NEFL: variants seen among roughly 807,000 people sequenced by gnomAD.
NEFL encodes neurofilament light chain.
A neutral mutation model predicts 51.6 loss-of-function variants in NEFL; 36 were observed. The ratio of observed to expected loss-of-function variants is 0.70; its 90% CI spans 0.53 to 0.92. NEFL has a LOEUF of 0.92. NEFL is among the 40% of genes least tolerant of loss of function. The probability of loss-of-function intolerance (pLI) is 0.00; values close to 1 mark genes in which losing one functional copy is unlikely to be tolerated. For synonymous variants in NEFL, 332 were observed against 302.5 expected (o/e 1.10, Z -1.01); for missense variants, 671 against 722.0 (o/e 0.93, Z 0.81).
chr8:24,952,903 T>C lies in NEFL; in HGVS notation c.1539A>G (p.Glu513=). 1 of 1,606,982 alleles carries C rather than the reference T, an allele frequency of 6.2e-7. No homozygotes were observed. The highest frequency in any genetic ancestry group is 8.5e-7 in the Non-Finnish European group (1 of 1,173,744). Residue 513 remains glutamate, a synonymous_variant, in exon 4 of 4, where the codon GAA becomes GAG. Transcript: ENST00000610854. ...CTTTGGTTTCCTCTCCTTCTTCACC[T>C]TCACCTCCTTCTTCTTCTTCTTTTG... The part of the protein sequence containing the change: ...EEAKEEEEGG[E]GEEGEETKEA...
chr8:24,953,819 G>C (rs753911821), intron 2 of NEFL, 24 bp from the exon 3 acceptor site: 2 of 1,582,778 alleles, frequency 1.3e-6, no homozygotes, highest in Non-Finnish European at 1.7e-6. Flanking sequence ...TGCAAGGTGA[G>C]GTTAAAAAAC....
At position 24,952,318 on chromosome 8, in the gene NEFL, C is replaced by T. The variant is rs1802980248; in HGVS notation, c.*492G>A. 1 of 154,316 alleles carries T rather than the reference C, an allele frequency of 6.5e-6. No homozygotes were observed. The highest frequency in any genetic ancestry group is 1.4e-5 in the Non-Finnish European group (1 of 69,190). 9.6% of individuals were successfully genotyped at this position (154,316 alleles called of 1,614,324 possible). On this transcript the variant is annotated 3_prime_UTR_variant, in exon 4 of 4. Coordinates refer to ENST00000610854, the MANE Select transcript of NEFL (RefSeq NM_006158.5). ...GAGGTCAATAGTCCACTGGTATATA[C>T]TTTATATTGGTGCCATCTTTAAGGT...
chr8:24,954,138 T>C, intron 2 of NEFL, 43 bp downstream of exon 2: 1 of 1,611,798 alleles, frequency 6.2e-7, no homozygotes, highest in South Asian at 1.1e-5. Context: ...CTGATTTTCT[T>C]CCTAAGGTTT....
In NEFL at chr8:24,953,936, G is replaced by C. The variant is rs1198117825; in HGVS notation, c.1170-141C>G. 4.7e-6 allele frequency: 6 copies of C among 1,267,414 alleles called. No homozygotes were observed. In the East Asian group the frequency reaches 1.5e-4, roughly 32 times the overall value. 78.5% of individuals were successfully genotyped at this position (1,267,414 alleles called of 1,614,324 possible). A position where few individuals can be genotyped will look rare whatever the true frequency, so the allele number is the denominator to read the frequency against. On this transcript the variant is annotated intron_variant, in intron 2 of 3. Coordinates refer to ENST00000610854, the MANE Select transcript of NEFL (RefSeq NM_006158.5). The stretch of plus-strand genomic sequence containing the variant: ...CCTGGGGATCTTTTGATGGAGACCA[G>C]AAAAAATATAAATAAATCATCCTAT...
Position 24,952,888 on chromosome 8 carries a change from C to G in NEFL, c.1554G>C (p.Glu518Asp), listed in dbSNP as rs754666321. ...CCTCCTCTTCAGCTTCTTTGGTTTCCTCTCCTTCTTCACCTTCACCTCCTT... is the reference window on the plus strand; with the variant it reads ...CCTCCTCTTCAGCTTCTTTGGTTTCGTCTCCTTCTTCACCTTCACCTCCTT... ...EEEGGEGEEG[E>D]ETKEAEEEEK... Residue 518 changes from glutamate (E) to aspartate (D), a missense_variant, in exon 4 of 4, where the codon GAG becomes GAC. By Grantham distance (45) the Glu-to-Asp change is conservative. Coordinates refer to ENST00000610854, the MANE Select transcript of NEFL (RefSeq NM_006158.5). The G allele has an allele frequency of 6.2e-7, 1 of 1,608,664 alleles. No homozygotes were observed. The highest frequency in any genetic ancestry group is 8.5e-7 in the Non-Finnish European group (1 of 1,175,296).
In NEFL at chr8:24,956,596, G is replaced by C; in HGVS notation, c.-81C>G. Reference sequence around the variant, plus strand: ...GACAGGGGAGAGAGGGAAGGGGGAGGATGGATGGCTGTGTGCGGCTCGGCG... The same window carrying C: ...GACAGGGGAGAGAGGGAAGGGGGAGCATGGATGGCTGTGTGCGGCTCGGCG... On this transcript the variant is annotated 5_prime_UTR_variant, in exon 1 of 4. The change creates a new upstream start codon in the 5' untranslated region. Coordinates refer to ENST00000610854, the MANE Select transcript of NEFL (RefSeq NM_006158.5). This position sits in a 1 kb window ranked among gnomAD's most constrained non-coding sequence, Gnocchi z 5.9. 1 of 1,342,042 alleles carries C rather than the reference G, an allele frequency of 7.5e-7. No homozygotes were observed. The highest frequency in any genetic ancestry group is 2.5e-5 in the East Asian group (1 of 39,924). 83.1% of individuals were successfully genotyped at this position (1,342,042 alleles called of 1,614,324 possible). A position where few individuals can be genotyped will look rare whatever the true frequency, so the allele number is the denominator to read the frequency against.
In NEFL at chr8:24,955,955, G is replaced by T; in HGVS notation, c.561C>A (p.Asp187Glu). The stretch of plus-strand genomic sequence containing the variant: ...GCGCTTCCATCAGCCGGCCCTCGGC[G>T]TCCTCGCGGCTCAGCACCTCCTCTT... ...RYEEEVLSRE[D>E]AEGRLMEARK... Residue 187 changes from aspartate to glutamate, a missense_variant, in exon 1 of 4, where the codon GAC (aspartate) becomes GAA (glutamate). Asp to Glu is a conservative substitution (Grantham distance 45, BLOSUM62 2). Coordinates refer to ENST00000610854, the MANE Select transcript of NEFL (RefSeq NM_006158.5). The surrounding 1 kb of genome is among the most constrained non-coding windows in gnomAD (Gnocchi z 4.0). 6.2e-7 allele frequency: 1 copy of T among 1,602,768 alleles called. No homozygotes were observed.
chr8:24,955,596 T>C lies in NEFL; in HGVS notation c.920A>G (p.Glu307Gly). The C allele has an allele frequency of 6.2e-7, 1 of 1,613,818 alleles. No individual in the cohort carries two copies. The highest frequency in any genetic ancestry group is 8.5e-7 in the Non-Finnish European group (1 of 1,179,860). ...AVRAAKDEVS[E>G]SRRLLKAKTL... ...CTTGGCCTTGAGCAGACGACGGCTC[T>C]CGGACACCTCGTCCTTGGCGGCGCG... The change falls in exon 1 of 4, where the codon GAG becomes GGG. Residue 307 changes from glutamate (E) to glycine (G), a missense_variant. Transcript: ENST00000610854. This position sits in a 1 kb window ranked among gnomAD's most constrained non-coding sequence, Gnocchi z 4.0.
Position 24,953,545 on chromosome 8 carries a change from C to T in NEFL, c.1420G>A (p.Gly474Arg), listed in dbSNP as rs1586126411. ...TCCTTCTCCTCCTCCTCGGCTTCTC[C>T]TTCAGAGGGGGGCTCATCCTTGGCT... ...EEAKDEPPSE[G>R]EAEEEEKDKE... Residue 474 changes from glycine to arginine, a missense_variant, in exon 3 of 4, where the codon GGA becomes AGA. Coordinates refer to ENST00000610854, the MANE Select transcript of NEFL (RefSeq NM_006158.5). 1 of 1,613,606 alleles carries T rather than the reference C, an allele frequency of 6.2e-7. No individual in the cohort carries two copies. Among genetic ancestry groups the T allele is most frequent in the East Asian group, 2.2e-5 (1 of 44,872 alleles).
Position 24,951,323 on chromosome 8 carries a change from T to G in NEFL, c.*1487A>C, listed in dbSNP as rs1026592112. On this transcript the variant is annotated 3_prime_UTR_variant, in exon 4 of 4. Coordinates refer to ENST00000610854, the MANE Select transcript of NEFL (RefSeq NM_006158.5). ...TAACTTTAAATGGAGACCACTTTGG[T>G]TTCAGGTTAAATTAATAACTTATAG... The G allele has an allele frequency of 1.4e-4, 22 of 152,174 alleles. No individual in the cohort carries two copies. Among genetic ancestry groups the G allele is most frequent in the African/African-American group, 5.1e-4 (21 of 41,446 alleles). The allele number at this position is 152,174 out of a possible 1,614,324, so 9.4% of individuals were successfully genotyped here. A position where few individuals can be genotyped will look rare whatever the true frequency, so the allele number is the denominator to read the frequency against.
Position 24,953,695 on chromosome 8 carries a change from A to G in NEFL, c.1270T>C (p.Tyr424His), listed in dbSNP as rs570772656. 1.9e-6 allele frequency: 3 copies of G among 1,614,016 alleles called. No homozygotes were observed. Among genetic ancestry groups the G allele is most frequent in the Middle Eastern group, 1.6e-4 (1 of 6,062 alleles). ...QSSQVFGRSAYGGLQTSSYLM... is the reference protein window; with the variant it reads ...QSSQVFGRSAHGGLQTSSYLM... ...TAGGAGCTGGTCTGTAAACCGCCGT[A>G]GGCAGATCGGCCAAAGACCTGGGAG... The change falls in exon 3 of 4, where the codon TAC (tyrosine) becomes CAC (histidine). Residue 424 changes from tyrosine to histidine, a missense_variant. Physicochemically the swap from Tyr to His is moderately conservative, Grantham distance 83. Transcript: ENST00000610854.
chr8:24,951,439 A>C lies in NEFL; in HGVS notation c.*1371T>G, dbSNP rs949335275. ...AGAATAGCAGATAGTAATATCATCT[A>C]TATTTATTCCACATCAAATGCAAGA... On this transcript the variant is annotated 3_prime_UTR_variant, in exon 4 of 4. Transcript: ENST00000610854. 1 of 152,234 alleles carries C rather than the reference A, an allele frequency of 6.6e-6. No individual in the cohort carries two copies. The highest frequency in any genetic ancestry group is 2.1e-4 in the South Asian group (1 of 4,834). The allele number at this position is 152,234 out of a possible 1,614,324, so 9.4% of individuals were successfully genotyped here.
In NEFL at chr8:24,956,609, G is replaced by T; in HGVS notation, c.-94C>A. 1 of 1,233,070 alleles carries T rather than the reference G, an allele frequency of 8.1e-7. No individual in the cohort carries two copies. The highest frequency in any genetic ancestry group is 1.2e-6 in the Non-Finnish European group (1 of 861,062). The allele number at this position is 1,233,070 out of a possible 1,614,324, so 76.4% of individuals were successfully genotyped here. ...GGGAAGGGGGAGGATGGATGGCTGT[G>T]TGCGGCTCGGCGCCGTTCTGCCACC... On this transcript the variant is annotated 5_prime_UTR_variant, in exon 1 of 4. Transcript: ENST00000610854. This position sits in a 1 kb window ranked among gnomAD's most constrained non-coding sequence, Gnocchi z 5.9.
chr8:24,954,249 T>C lies in NEFL; in HGVS notation c.1101A>G (p.Arg367=). Residue 367 remains arginine (R), a synonymous_variant, in exon 2 of 4, where the codon CGA becomes CGG. Transcript: ENST00000610854. ...ELRTTKSEMA[R]YLKEYQDLLN... is the part of the protein sequence containing the mutation. ...GGAGGTCTTGGTATTCTTTTAGGTA[T>C]CGTGCCATTTCACTCTTTGTGGTCC... 1 of 1,613,966 alleles carries C rather than the reference T, an allele frequency of 6.2e-7. No individual in the cohort carries two copies. Among genetic ancestry groups the C allele is most frequent in the East Asian group, 2.2e-5 (1 of 44,856 alleles).
intron 3 of NEFL, 104 bp downstream of exon 3, chr8:24,953,372 C>T (rs778128971): frequency 8.0e-5 from 122 of 1,530,306 alleles, no homozygotes; most frequent in Non-Finnish European, 9.6e-5. Flanking sequence ...ATTCTAATGT[C>T]ATATATGAAT....
rs1250327548 is a variant in NEFL, at chr8:24,955,392, C to G, written c.1044+80G>C. On this transcript the variant is annotated intron_variant, in intron 1 of 3. Coordinates refer to ENST00000610854, the MANE Select transcript of NEFL (RefSeq NM_006158.5). The surrounding 1 kb of genome is among the most constrained non-coding windows in gnomAD (Gnocchi z 4.0). The stretch of plus-strand genomic sequence containing the variant: ...AGAGCTGCGTGCAGCCGCACCACCC[C>G]TGGTCTCCACTTTCTGGGCGCACCA... The G allele has an allele frequency of 1.4e-6, 2 of 1,390,750 alleles. No homozygotes were observed. Among genetic ancestry groups the G allele is most frequent in the Non-Finnish European group, 1.9e-6 (2 of 1,030,372 alleles). 86.2% of individuals were successfully genotyped at this position (1,390,750 alleles called of 1,614,324 possible). A position where few individuals can be genotyped will look rare whatever the true frequency, so the allele number is the denominator to read the frequency against.
Position 24,956,050 on chromosome 8 carries a change from C to A in NEFL, c.466G>T (p.Glu156Ter). 3 of 1,604,254 alleles carry A rather than the reference C, an allele frequency of 1.9e-6. No homozygotes were observed. The highest frequency in any genetic ancestry group is 2.5e-6 in the Non-Finnish European group (3 of 1,178,674). The change falls in exon 1 of 4, where the codon GAG becomes TAG. Residue 156 changes from glutamate to a stop codon, truncating the protein, a stop_gained. Transcript: ENST00000610854. LOFTEE classifies it high-confidence loss of function. The surrounding 1 kb of genome is among the most constrained non-coding windows in gnomAD (Gnocchi z 5.9). ...CGCTCGCCCTGGAGCGCCTGCTTCTCGTTGGTGGCATCTTCCGCCGCCAGG... is the reference window on the plus strand; with the variant it reads ...CGCTCGCCCTGGAGCGCCTGCTTCTAGTTGGTGGCATCTTCCGCCGCCAGG... ...LRLAAEDATNEKQALQGEREG... is the reference protein window; with the variant it reads ...LRLAAEDATN
At chr8:24,954,083 G>T (rs112650951) in intron 2 of NEFL, 98 bp downstream of exon 2, 2 of 1,512,808 alleles carry the variant, frequency 1.3e-6, no homozygotes, top group African/African-American at 2.8e-5. Flanking sequence ...ATTTCAAAAG[G>T]ACTATTATTG....
intron 1 of NEFL, among the ~76,000 whole-genome samples, chr8:24,954,586 C>T (rs1028424804): frequency 2.6e-5 from 4 of 152,154 alleles, no homozygotes; most frequent in Admixed American, 2.0e-4. Flanking sequence ...TGCATGCAAA[C>T]AGACTAAGTT....
Sources: gnomAD v4.1 joint callset for allele counts (sites outside exome capture counted in the v4.1 genomes callset) on GRCh38, gnomAD v4.1.1 for gene constraint, Gnocchi (gnomAD v3.1) non-coding constraint, MANE v1.5 for transcripts, NCBI Gene and HGNC (gene_info 2026-07-23, HGNC 2026-07-21) for gene names.